The following MTARC2 variants were observed in gnomAD, a reference collection of about 807,000 sequenced individuals.
MTARC2 encodes MOCO sulphurase C-terminal domain containing 2.
Under a neutral mutation model 35.6 loss-of-function variants are expected in MTARC2, and 27 were observed. The ratio of observed to expected loss-of-function variants is 0.76; its 90% CI spans 0.56 to 1.04. The LOEUF (loss-of-function observed/expected upper bound fraction) is 1.04, where lower values mean the gene tolerates loss of function less well. MTARC2 is among the 50% of genes least tolerant of loss of function. MTARC2 has a pLI of 0.00. For synonymous variants in MTARC2, 158 were observed against 167.1 expected, an observed-to-expected ratio of 0.95 and a Z score of 0.42; for missense variants, 412 against 432.5, an observed-to-expected ratio of 0.95 and a Z score of 0.42.
intron 2 of MTARC2, among the ~76,000 whole-genome samples, chr1:220,759,566 C>T (rs1487945812): frequency 8.5e-5 from 13 of 152,120 alleles, no homozygotes; most frequent in African/African-American, 3.1e-4. Flanking sequence ...AAGTGCCACC[C>T]ATAAGCTTTC....
At chr1:220,771,370 T>A (rs1671740556) in intron 4 of MTARC2, among the ~76,000 whole-genome samples, 1 of 149,560 alleles carries the variant, frequency 6.7e-6, no homozygotes, top group Non-Finnish European at 1.5e-5. Context: ...GGTCCAAGTG[T>A]CCCAAACAAC....
At chr1:220,773,001 T>A (rs1159109440) in intron 4 of MTARC2, among the ~76,000 whole-genome samples, 1 of 152,198 alleles carries the variant, frequency 6.6e-6, no homozygotes, top group Admixed American at 6.5e-5. Flanking sequence ...GAGGAGTTTC[T>A]TTTGTCATTC....
At chr1:220,749,205 T>C (rs939167900) in intron 1 of MTARC2, among the ~76,000 whole-genome samples, 2 of 152,300 alleles carry the variant, frequency 1.3e-5, no homozygotes, top group South Asian at 2.1e-4. Flanking sequence ...TGCTGGGCCT[T>C]GTTCCTCACA....
rs1672152337 is a variant in MTARC2 at position 220,784,123 on chromosome 1, C to T, written c.*236C>T. The T allele has an allele frequency of 2.0e-6, 1 of 504,254 alleles. No homozygotes were observed. Among genetic ancestry groups the T allele is most frequent in the Non-Finnish European group, 3.6e-6 (1 of 277,368 alleles). 31.2% of individuals were successfully genotyped at this position (504,254 alleles called of 1,614,324 possible). ...AAAGTATATATATAAATTTTAGGTA[C>T]TGAAGGCTTTAAAAATAATTAAGAT... is the stretch of plus-strand genomic sequence containing the variant. On this transcript the variant is annotated 3_prime_UTR_variant, in exon 8 of 8. Coordinates refer to ENST00000366913, the MANE Select transcript of MTARC2 (RefSeq NM_017898.5).
chr1:220,775,977 G>A lies in MTARC2; in HGVS notation c.751-4041G>A, dbSNP rs529456723. ...TGTCTTTGCTGTTGTGAACAGTGCT[G>A]TGATGAATATACGCGTGCATGTGTC... is the stretch of plus-strand genomic sequence containing the variant. On this transcript the variant is annotated intron_variant, in intron 4 of 7. Coordinates refer to ENST00000366913, the MANE Select transcript of MTARC2 (RefSeq NM_017898.5). Among the ~76,000 whole-genome samples, 22 of 152,306 alleles carry A rather than the reference G, an allele frequency of 1.4e-4. No homozygotes were observed. In the South Asian group the frequency reaches 4.4e-3, roughly 30 times the overall value.
chr1:220,757,343 G>A (rs12043238), intron 2 of MTARC2, among the ~76,000 whole-genome samples: 2,048 of 152,328 alleles, frequency 0.013, 33 homozygotes, highest in East Asian at 0.06. Flanking sequence ...TGTAGTCAGC[G>A]CACTGCCCTC....
chr1:220,749,627 C>T (rs1025460495), intron 1 of MTARC2, among the ~76,000 whole-genome samples: 2 of 151,984 alleles, frequency 1.3e-5, no homozygotes, highest in East Asian at 3.9e-4. Flanking sequence ...AACGGGGTTT[C>T]ACTCTGTTGA....
chr1:220,764,077 G>A (rs186133383), intron 4 of MTARC2, among the ~76,000 whole-genome samples: 15 of 152,044 alleles, frequency 9.9e-5, no homozygotes, highest in African/African-American at 3.6e-4. Context: ...TTCCTTTTGT[G>A]TGAGTAAAAT....
intron 6 of MTARC2, among the ~76,000 whole-genome samples, chr1:220,780,454 T>TG: frequency 1.8e-5 from 1 of 56,258 alleles, no homozygotes; most frequent in East Asian, 3.1e-3. Flanking sequence ...TTGGATAAAC[T>TG]TTTTTTTTTT....
rs201955759 is a variant in MTARC2, at chr1:220,781,890, C to T, written c.997C>T (p.Arg333Trp). The T allele has an allele frequency of 5.5e-5, 88 of 1,613,994 alleles. No homozygotes were observed. The highest frequency in any genetic ancestry group is 1.3e-4 in the African/African-American group (10 of 74,914). ...CCTGAGAGTTGGTGACCCTGTGTAT[C>T]GGATGGTGTAGTGATGAGTGATGGA... Reference protein sequence around the residue: ...GSLRVGDPVYRMV With the variant: ...GSLRVGDPVYWMV The change falls in exon 7 of 8, where the codon CGG becomes TGG. Residue 333 changes from arginine (R) to tryptophan (W), a missense_variant. Coordinates refer to ENST00000366913, the MANE Select transcript of MTARC2 (RefSeq NM_017898.5).
intron 7 of MTARC2, 72 bp downstream of exon 7, chr1:220,782,004 T>A (rs1304050817): frequency 2.1e-5 from 27 of 1,298,558 alleles, no homozygotes; most frequent in Non-Finnish European, 4.2e-6. Context: ...TTAATTTTTT[T>A]TATGTTATGC....
chr1:220,769,934 CA>C (rs57739324), intron 4 of MTARC2, among the ~76,000 whole-genome samples: 2,789 of 63,328 alleles, frequency 0.044, 80 homozygotes, highest in African/African-American at 0.12. Context: ...ACTAAAAATA[CA>C]AAAAAAAAAA....
At chr1:220,754,314 A>G (rs1671217380) in intron 1 of MTARC2, 2 of 456,156 alleles carry the variant, frequency 4.4e-6, no homozygotes, top group Non-Finnish European at 8.8e-6. Context: ...CTAGGAAATA[A>G]GTGGGATTCT....
chr1:220,781,506 CA>C (rs1672069487), intron 6 of MTARC2, among the ~76,000 whole-genome samples: 1 of 152,326 alleles, frequency 6.6e-6, no homozygotes, highest in East Asian at 1.9e-4. Flanking sequence ...CCCATATAGA[CA>C]AAGTATTTAT....
At chr1:220,762,620 T>TG (rs1260049906) in intron 3 of MTARC2, among the ~76,000 whole-genome samples, 1 of 152,016 alleles carries the variant, frequency 6.6e-6, no homozygotes, top group Non-Finnish European at 1.5e-5. Context: ...TTGAGGATGA[T>TG]GGGGGAAGGG....
At chr1:220,782,413 A>C (rs921027844) in intron 7 of MTARC2, among the ~76,000 whole-genome samples, 2 of 152,186 alleles carry the variant, frequency 1.3e-5, no homozygotes, top group African/African-American at 2.4e-5. Flanking sequence ...AAATCAGTGC[A>C]TCATGGTGAC....
chr1:220,770,337 G>A (rs1204256457), intron 4 of MTARC2: 6 of 965,118 alleles, frequency 6.2e-6, no homozygotes, highest in Non-Finnish European at 7.4e-6. Context: ...CCATTGAGTT[G>A]TGTTTATCAG....
At chr1:220,778,349 C>T (rs1261486458) in intron 4 of MTARC2, among the ~76,000 whole-genome samples, 2 of 152,050 alleles carry the variant, frequency 1.3e-5, no homozygotes, top group Admixed American at 6.6e-5. Flanking sequence ...GGAGGCCTCC[C>T]GAAGCTTCCA....
rs137935173 is a variant in MTARC2 at position 220,755,043 on chromosome 1, G to A, written c.369G>A (p.Leu123=). The change falls in exon 2 of 8, where the codon CTG becomes CTA. Residue 123 remains leucine, a synonymous_variant. Coordinates refer to ENST00000366913, the MANE Select transcript of MTARC2 (RefSeq NM_017898.5). ...LISIIYENNC[L]IFRAPDMDQL... ...CCATCATTTATGAGAATAACTGCCT[G>A]ATCTTCAGGGCTCCAGACATGGACC... 2 of 1,613,354 alleles carry A rather than the reference G, an allele frequency of 1.2e-6. No homozygotes were observed. Among genetic ancestry groups the A allele is most frequent in the East Asian group, 2.2e-5 (1 of 44,812 alleles).
Sources: gnomAD v4.1 joint callset for allele counts (sites outside exome capture counted in the v4.1 genomes callset) on GRCh38, gnomAD v4.1.1 for gene constraint, MANE v1.5 for transcripts, NCBI Gene and HGNC (gene_info 2026-07-23, HGNC 2026-07-21) for gene names.